GPR17: variants seen among roughly 807,000 people sequenced by gnomAD.
The protein encoded by GPR17 is uracil nucleotide/cysteinyl leukotriene receptor.
GPR17 carries 4 observed loss-of-function variants against 1.5 expected under a neutral mutation model. The observed-to-expected ratio is 2.73, with a 90% CI of 1.35 to 6.25. GPR17 has a LOEUF of 6.25. Among genes scored for constraint, GPR17 ranks in the 30% most tolerant of loss-of-function variants. The pLI is 0.00. For synonymous variants in GPR17, 209 were observed against 207.6 expected (o/e 1.01, Z -0.06); for missense variants, 463 against 462.1 (o/e 1.00, Z -0.02).
At chr2:127,650,003 C>G in intron 1 of GPR17, 1 of 1,605,994 alleles carries the variant, frequency 6.2e-7, no homozygotes, top group Non-Finnish European at 8.5e-7. Context: ...GGTCTCCCCA[C>G]CTGTCAGGAT....
chr2:127,651,164 C>T lies in GPR17; in HGVS notation c.429C>T (p.Arg143=). 1 of 1,612,822 alleles carries T rather than the reference C, an allele frequency of 6.2e-7. No individual in the cohort carries two copies. Among genetic ancestry groups the T allele is most frequent in the Non-Finnish European group, 8.5e-7 (1 of 1,179,986 alleles). The change falls in exon 2 of 2, where the codon CGC becomes CGT. Residue 143 remains arginine, a synonymous_variant. Coordinates refer to ENST00000486700, the MANE Select transcript of GPR17 (RefSeq NM_001161417.2). ...IVHPVKSLKL[R]RPLYAHLACA... The stretch of plus-strand genomic sequence containing the variant: ...ACCCGGTCAAGTCCCTCAAGCTCCG[C>T]AGGCCCCTCTACGCACACCTGGCCT...
rs147409022 is a variant in GPR17, at chr2:127,650,784, C to T, written c.49C>T (p.Leu17=). ...CCCAGGTCTGATCACCAACTTCTCC[C>T]TGGCCACGGCAGAGCAATGTGGCCA... ...APPGLITNFS[L]ATAEQCGQET... The change falls in exon 2 of 2, where the codon CTG becomes TTG. Residue 17 remains leucine (L), a synonymous_variant. Transcript: ENST00000486700. 6.2e-7 allele frequency: 1 copy of T among 1,613,852 alleles called. No homozygotes were observed. Among genetic ancestry groups the T allele is most frequent in the Admixed American group, 1.7e-5 (1 of 60,026 alleles).
intron 1 of GPR17, among the ~76,000 whole-genome samples, chr2:127,649,624 G>C (rs928593794): frequency 2.0e-5 from 3 of 152,252 alleles, no homozygotes; most frequent in Non-Finnish European, 4.4e-5. Context: ...GGGAGGCAGA[G>C]TGTTTGGGAC....
chr2:127,651,956 G>T lies in GPR17; in HGVS notation c.*201G>T. 1 of 619,116 alleles carries T rather than the reference G, an allele frequency of 1.6e-6. No homozygotes were observed. The highest frequency in any genetic ancestry group is 2.1e-5 in the South Asian group (1 of 48,448). 38.4% of individuals were successfully genotyped at this position (619,116 alleles called of 1,614,324 possible). On this transcript the variant is annotated 3_prime_UTR_variant, in exon 2 of 2. Coordinates refer to ENST00000486700, the MANE Select transcript of GPR17 (RefSeq NM_001161417.2). ...GGATCCATCGGCCACCCCTCTGCAG[G>T]GGCTTGTGATGGCTACAATGGCTCC...
chr2:127,649,165 T>TAGGAAGGAAGGA (rs376330379), intron 1 of GPR17, among the ~76,000 whole-genome samples: 2,597 of 134,296 alleles, frequency 0.019, 30 homozygotes, highest in Admixed American at 0.026. Flanking sequence ...GAGAGGAAGG[T>TAGGAAGGAAGGA]AGGAAGGAAG....
chr2:127,648,994 AGGGGAGGGGAG>A (rs1683336873), intron 1 of GPR17, among the ~76,000 whole-genome samples: 1 of 16,128 alleles, frequency 6.2e-5, no homozygotes, highest in Non-Finnish European at 1.2e-4. Context: ...GAGGGGAGGG[AGGGGAGGGGAG>A]GAAGGGGAGG....
intron 1 of GPR17, chr2:127,650,130 C>T: frequency 1.3e-6 from 2 of 1,492,402 alleles, no homozygotes; most frequent in Non-Finnish European, 1.8e-6. Flanking sequence ...TGCTGCCATC[C>T]TGGGGGCACC....
rs1159027724 is a variant in GPR17 at position 127,650,834 on chromosome 2, G to C, written c.99G>C (p.Leu33=). The C allele has an allele frequency of 1.2e-6, 2 of 1,614,090 alleles. No individual in the cohort carries two copies. The highest frequency in any genetic ancestry group is 1.7e-6 in the Non-Finnish European group (2 of 1,179,968). The change falls in exon 2 of 2, where the codon CTG becomes CTC. Residue 33 remains leucine, a synonymous_variant. Coordinates refer to ENST00000486700, the MANE Select transcript of GPR17 (RefSeq NM_001161417.2). ...CGQETPLENM[L]FASFYLLDFI... is the part of the protein sequence containing the mutation. Reference sequence around the variant, plus strand: ...AGGAGACGCCACTGGAGAACATGCTGTTCGCCTCCTTCTACCTTCTGGATT... The same window carrying C: ...AGGAGACGCCACTGGAGAACATGCTCTTCGCCTCCTTCTACCTTCTGGATT...
At position 127,650,013 on chromosome 2, in the gene GPR17, T is replaced by C. The variant is rs376289246; in HGVS notation, c.-20-703T>C. On this transcript the variant is annotated intron_variant, in intron 1 of 1. Coordinates refer to ENST00000486700, the MANE Select transcript of GPR17 (RefSeq NM_001161417.2). Reference sequence around the variant, plus strand: ...ACACAGGTCTCCCCACCTGTCAGGATGTCCAAACGGAGTTGGTGGGCTGGA... The same window carrying C: ...ACACAGGTCTCCCCACCTGTCAGGACGTCCAAACGGAGTTGGTGGGCTGGA... 1.9e-5 allele frequency: 31 copies of C among 1,607,852 alleles called. No homozygotes were observed. The African/African-American group carries it at 3.9e-4, about 20-fold the overall frequency.
At chr2:127,650,633 G>A in intron 1 of GPR17, 83 bp from the exon 2 acceptor site, 1 of 953,546 alleles carries the variant, frequency 1.0e-6, no homozygotes, top group Admixed American at 2.2e-5. Context: ...TGAAGGCATT[G>A]GAGGCCTGAC....
rs763475267 is a variant in GPR17, at chr2:127,651,400, G to T, written c.665G>T (p.Gly222Val). The change falls in exon 2 of 2, where the codon GGC becomes GTC. Residue 222 changes from glycine to valine, a missense_variant. Gly to Val is a moderately radical substitution (Grantham distance 109). Transcript: ENST00000486700. ...YLLIIRSLRQ[G>V]LRVEKRLKTK... is the part of the protein sequence containing the mutation. ...CTGATCATCCGCAGCCTGCGGCAGGGCCTGCGTGTGGAGAAGCGCCTCAAG... is the reference window on the plus strand; with the variant it reads ...CTGATCATCCGCAGCCTGCGGCAGGTCCTGCGTGTGGAGAAGCGCCTCAAG... The T allele has an allele frequency of 3.1e-6, 5 of 1,612,740 alleles. No individual in the cohort carries two copies. Among genetic ancestry groups the T allele is most frequent in the Non-Finnish European group, 2.5e-6 (3 of 1,180,040 alleles).
Position 127,647,804 on chromosome 2 carries a change from G to T in GPR17, c.-21+1560G>T, listed in dbSNP as rs534477403. ...TCTGCCCTGGAGCCCTGTTCCTCCA[G>T]TCTCCGGGTCCTCACCCCCAGCACA... On this transcript the variant is annotated intron_variant, in intron 1 of 1. Transcript: ENST00000486700. This position sits in a 1 kb window ranked among gnomAD's most constrained non-coding sequence, Gnocchi z 4.3. 1.2e-3 allele frequency among the ~76,000 whole-genome samples: 177 copies of T among 152,046 alleles called. No homozygotes were observed. The highest frequency in any genetic ancestry group is 1.8e-3 in the Non-Finnish European group (120 of 67,970).
rs931005308 is a variant in GPR17, at chr2:127,647,055, C to T, written c.-21+811C>T. On this transcript the variant is annotated intron_variant, in intron 1 of 1. Transcript: ENST00000486700. This position sits in a 1 kb window ranked among gnomAD's most constrained non-coding sequence, Gnocchi z 4.3. ...GGAGGGCAGTGCCCAGGCTGAGGCC[C>T]CCGGGCTGGAGGCAGGAGGCACCAC... Among the ~76,000 whole-genome samples, 1 of 152,212 alleles carries T rather than the reference C, an allele frequency of 6.6e-6. No individual in the cohort carries two copies. The highest frequency in any genetic ancestry group is 1.5e-5 in the Non-Finnish European group (1 of 68,042).
chr2:127,649,091 GA>G (rs752842992), intron 1 of GPR17, among the ~76,000 whole-genome samples: 2 of 133,546 alleles, frequency 1.5e-5, no homozygotes, highest in Non-Finnish European at 3.3e-5. Context: ...AAGAAAAAAA[GA>G]AAAAAGAAAA....
rs1447657162 is a variant in GPR17, at chr2:127,647,096, C to G, written c.-21+852C>G. The stretch of plus-strand genomic sequence containing the variant: ...GAGGCACCACAGGCCCACCTGGTGC[C>G]ATGAGATATGCCACCCCTGCCGTCA... On this transcript the variant is annotated intron_variant, in intron 1 of 1. Coordinates refer to ENST00000486700, the MANE Select transcript of GPR17 (RefSeq NM_001161417.2). The surrounding 1 kb of genome is among the most constrained non-coding windows in gnomAD (Gnocchi z 4.3). 6.6e-6 allele frequency among the ~76,000 whole-genome samples: 1 copy of G among 152,188 alleles called. No individual in the cohort carries two copies. The highest frequency in any genetic ancestry group is 1.5e-5 in the Non-Finnish European group (1 of 68,032).
rs1204124248 is a variant in GPR17 at position 127,652,166 on chromosome 2, GAGT to G, written c.*412_*414del. ...CAAATGACCCAGAAGAGGGACCTGG[GAGT>G]CCTGGTGGGGACGGGGAGGGAGTCT... On this transcript the variant is annotated 3_prime_UTR_variant, in exon 2 of 2. Coordinates refer to ENST00000486700, the MANE Select transcript of GPR17 (RefSeq NM_001161417.2). The G allele has an allele frequency of 4.2e-6, 1 of 235,916 alleles. No individual in the cohort carries two copies. Among genetic ancestry groups the G allele is most frequent in the Non-Finnish European group, 9.0e-6 (1 of 110,908 alleles). The allele number at this position is 235,916 out of a possible 1,614,324, so 14.6% of individuals were successfully genotyped here. A position where few individuals can be genotyped will look rare whatever the true frequency, so the allele number is the denominator to read the frequency against.
intron 1 of GPR17, chr2:127,650,178 C>A: frequency 9.0e-7 from 1 of 1,109,504 alleles, no homozygotes; most frequent in East Asian, 2.6e-5. Context: ...TCAGGGGAAG[C>A]AGAAAGCGGT....
rs371555432 is a variant in GPR17, at chr2:127,649,987, A to G, written c.-20-729A>G. 5.8e-4 allele frequency: 928 copies of G among 1,596,710 alleles called. 2 individuals carry two copies. Among genetic ancestry groups the G allele is most frequent in the Non-Finnish European group, 7.6e-4 (893 of 1,168,988 alleles). On this transcript the variant is annotated intron_variant, in intron 1 of 1. Coordinates refer to ENST00000486700, the MANE Select transcript of GPR17 (RefSeq NM_001161417.2). Reference sequence around the variant, plus strand: ...GATACCCAGGCACAGGCTTCTCCTAAACACAGGTCTCCCCACCTGTCAGGA... The same window carrying G: ...GATACCCAGGCACAGGCTTCTCCTAGACACAGGTCTCCCCACCTGTCAGGA...
At chr2:127,649,182 AGG>A (rs1414056866) in intron 1 of GPR17, among the ~76,000 whole-genome samples, 14 of 117,660 alleles carry the variant, frequency 1.2e-4, no homozygotes, top group Admixed American at 2.4e-4. Flanking sequence ...GAAGGAAGGA[AGG>A]AAGGAAGGAA....
Sources: gnomAD v4.1 joint callset for allele counts (sites outside exome capture counted in the v4.1 genomes callset) on GRCh38, gnomAD v4.1.1 for gene constraint, Gnocchi (gnomAD v3.1) non-coding constraint, MANE v1.5 for transcripts, NCBI Gene and HGNC (gene_info 2026-07-23, HGNC 2026-07-21) for gene names.